CLYBL: variants seen among roughly 807,000 people sequenced by gnomAD.
The protein encoded by CLYBL is citramalyl-CoA lyase, mitochondrial.
In CLYBL, 31 loss-of-function variants were observed where a neutral mutation model predicts 38.9. That is an observed-to-expected ratio of 0.80 (90% CI 0.60 to 1.08). The LOEUF (loss-of-function observed/expected upper bound fraction) is 1.08, where lower values mean the gene tolerates loss of function less well. CLYBL is among the 50% of genes least tolerant of loss of function. The pLI is 0.00. For synonymous variants in CLYBL, 171 were observed against 158.6 expected (o/e 1.08, Z -0.59); for missense variants, 434 against 411.6 (o/e 1.05, Z -0.47).
At position 99,744,228 on chromosome 13, in the gene CLYBL, T is replaced by C. The variant is rs2048810958; in HGVS notation, c.63-28596T>C. Among the ~76,000 whole-genome samples the C allele has an allele frequency of 3.9e-5, 6 of 152,102 alleles. No individual in the cohort carries two copies. The South Asian group carries it at 1.2e-3, about 31-fold the overall frequency. Reference sequence around the variant, plus strand: ...ACCTCGTGATCCACCTGCCTCGCCCTCCCAAAGTGCTGGGATTACAGGCGT... The same window carrying C: ...ACCTCGTGATCCACCTGCCTCGCCCCCCCAAAGTGCTGGGATTACAGGCGT... On this transcript the variant is annotated intron_variant, in intron 1 of 8. Coordinates refer to ENST00000339105, the MANE Select transcript of CLYBL (RefSeq NM_206808.5).
intron 2 of CLYBL, among the ~76,000 whole-genome samples, chr13:99,855,216 G>C (rs1247119298): frequency 2.0e-5 from 3 of 152,182 alleles, no homozygotes; most frequent in Non-Finnish European, 4.4e-5. Flanking sequence ...CTGTCCTGTA[G>C]TGTTAACACA....
intron 1 of CLYBL, among the ~76,000 whole-genome samples, chr13:99,681,392 A>G (rs1238060499): frequency 2.6e-5 from 4 of 152,226 alleles, no homozygotes; most frequent in Non-Finnish European, 5.9e-5. Flanking sequence ...GGTGCATACT[A>G]TATAAAAATA....
intron 2 of CLYBL, among the ~76,000 whole-genome samples, chr13:99,777,240 A>G (rs1286895454): frequency 6.6e-6 from 1 of 152,096 alleles, no homozygotes; most frequent in African/African-American, 2.4e-5. Context: ...CTCTCCTAAA[A>G]TCCAATCTTT....
At chr13:99,780,597 G>A (rs1284582569) in intron 2 of CLYBL, among the ~76,000 whole-genome samples, 4 of 150,478 alleles carry the variant, frequency 2.7e-5, no homozygotes, top group Admixed American at 2.0e-4. Context: ...TTGATGGTCC[G>A]GATCTCCTGA....
chr13:99,644,666 C>T lies in CLYBL; in HGVS notation c.62+37909C>T, dbSNP rs188706922. On this transcript the variant is annotated intron_variant, in intron 1 of 8. Transcript: ENST00000339105. ...CCATCCCCAGTTTCCTTCCTCTACC[C>T]CACTACCCTTCCCAGCCCCTGATAA... 2.6e-3 allele frequency among the ~76,000 whole-genome samples: 390 copies of T among 152,304 alleles called. 4 individuals are homozygous for T. The highest frequency in any genetic ancestry group is 1.7e-3 in the Non-Finnish European group (114 of 68,026).
intron 1 of CLYBL, among the ~76,000 whole-genome samples, chr13:99,636,520 A>G (rs1410318193): frequency 6.6e-6 from 1 of 151,986 alleles, no homozygotes; most frequent in Non-Finnish European, 1.5e-5. Context: ...GGACAGTGGG[A>G]TCTGCTCCCT....
rs2051286442 is a variant in CLYBL, at chr13:99,849,701, C to A, written c.250-9160C>A. On this transcript the variant is annotated intron_variant, in intron 2 of 8. Transcript: ENST00000339105. This position sits in a 1 kb window ranked among gnomAD's most constrained non-coding sequence, Gnocchi z 4.9. ...CTTCGCAGAAATACCAAAGGCCTGG[C>A]ACATATAGTTAAGGAAAATCCACCA... Among the ~76,000 whole-genome samples the A allele has an allele frequency of 6.6e-6, 1 of 152,056 alleles. No individual in the cohort carries two copies.
intron 1 of CLYBL, among the ~76,000 whole-genome samples, chr13:99,711,872 C>T (rs2390303): frequency 0.062 from 9,457 of 151,772 alleles, 393 homozygotes; most frequent in Middle Eastern, 0.11. Flanking sequence ...CCCACCATCA[C>T]GCCCGGCTAA....
intron 1 of CLYBL, among the ~76,000 whole-genome samples, chr13:99,722,365 C>T (rs771130544): frequency 1.6e-4 from 24 of 152,142 alleles, no homozygotes; most frequent in Non-Finnish European, 2.9e-4. Context: ...TTGTTTCTGG[C>T]ACTTGGGAAT....
chr13:99,871,832 G>A (rs2139256517), intron 7 of CLYBL, among the ~76,000 whole-genome samples: 1 of 152,082 alleles, frequency 6.6e-6, no homozygotes, highest in South Asian at 2.1e-4. Flanking sequence ...GAGGATAGGA[G>A]GGAAAGTTAC....
rs549039846 is a variant in CLYBL, at chr13:99,805,046, C to T, written c.249+32036C>T. 5.5e-4 allele frequency among the ~76,000 whole-genome samples: 83 copies of T among 152,280 alleles called. 1 individual carries two copies. The highest frequency in any genetic ancestry group is 1.8e-3 in the African/African-American group (73 of 41,558). ...CTTTTGTGACTGGCTTATTTCACTC[C>T]GCCTATTGTCTTCAAGATTCATTTG... On this transcript the variant is annotated intron_variant, in intron 2 of 8. Coordinates refer to ENST00000339105, the MANE Select transcript of CLYBL (RefSeq NM_206808.5).
chr13:99,725,962 A>G (rs992006560), intron 1 of CLYBL, among the ~76,000 whole-genome samples: 1 of 152,186 alleles, frequency 6.6e-6, no homozygotes, highest in African/African-American at 2.4e-5. Flanking sequence ...GAGAGATAAA[A>G]TCCCTTTTTC....
intron 7 of CLYBL, among the ~76,000 whole-genome samples, chr13:99,890,869 G>T (rs1594250127): frequency 6.6e-6 from 1 of 152,236 alleles, no homozygotes; most frequent in East Asian, 1.9e-4. Flanking sequence ...ACCTTATCAT[G>T]TTACCTCTCA....
intron 1 of CLYBL, among the ~76,000 whole-genome samples, chr13:99,750,813 G>A (rs186496955): frequency 1.2e-3 from 177 of 150,188 alleles, no homozygotes; most frequent in Non-Finnish European, 2.1e-3. Context: ...ATTTCCAAAG[G>A]ATATATAAAA....
intron 1 of CLYBL, among the ~76,000 whole-genome samples, chr13:99,627,644 T>G (rs1478424436): frequency 1.3e-5 from 2 of 152,240 alleles, no homozygotes; most frequent in Non-Finnish European, 2.9e-5. Context: ...GAACTGTTTT[T>G]CACACTTGGC....
chr13:99,714,161 A>G (rs1469220115), intron 1 of CLYBL, among the ~76,000 whole-genome samples: 6 of 151,914 alleles, frequency 3.9e-5, no homozygotes, highest in South Asian at 4.2e-4. Context: ...ATGTATTATA[A>G]TATCTTATTT....
At chr13:99,815,162 C>T (rs1159464129) in intron 2 of CLYBL, among the ~76,000 whole-genome samples, 1 of 152,190 alleles carries the variant, frequency 6.6e-6, no homozygotes, top group East Asian at 1.9e-4. Context: ...AAGGATCCCT[C>T]CGTGGAACAA....
intron 2 of CLYBL, among the ~76,000 whole-genome samples, chr13:99,819,467 T>TATATATAA (rs1566340310): frequency 2.0e-4 from 11 of 55,688 alleles, no homozygotes; most frequent in African/African-American, 6.6e-4. Flanking sequence ...TATATATATA[T>TATATATAA]AATATTTGTC....
chr13:99,871,033 G>A lies in CLYBL; in HGVS notation c.898G>A (p.Ala300Thr). 2 of 1,613,934 alleles carry A rather than the reference G, an allele frequency of 1.2e-6. No homozygotes were observed. Among genetic ancestry groups the A allele is most frequent in the East Asian group, 4.5e-5 (2 of 44,878 alleles). Residue 300 changes from alanine (A) to threonine (T), a missense_variant, in exon 7 of 9, where the codon GCC becomes ACC. Coordinates refer to ENST00000339105, the MANE Select transcript of CLYBL (RefSeq NM_206808.5). ...TAAGTGGGCTGAAGAACTGATTGCT[G>A]CCTTTAAAGAACATCAACAATTAGG... ...KIKWAEELIA[A>T]FKEHQQLGKG... is the part of the protein sequence containing the mutation.
Sources: gnomAD v4.1 joint callset for allele counts (sites outside exome capture counted in the v4.1 genomes callset) on GRCh38, gnomAD v4.1.1 for gene constraint, Gnocchi (gnomAD v3.1) non-coding constraint, MANE v1.5 for transcripts, NCBI Gene and HGNC (gene_info 2026-07-23, HGNC 2026-07-21) for gene names.